Variants in EHBP1 observed in about 807,000 individuals in gnomAD.
The protein encoded by EHBP1 is EH domain-binding protein 1.
EHBP1 carries 55 observed loss-of-function variants against 144.0 expected under a neutral mutation model. That is an observed-to-expected ratio of 0.38 (90% CI 0.31 to 0.48). EHBP1 has a LOEUF of 0.48. Ranked by LOEUF, EHBP1 falls within the 20% of genes least tolerant of loss-of-function variation. EHBP1 has a pLI of 0.98. For missense variants in EHBP1, 1,200 were observed against 1,364.2 expected (o/e 0.88, Z 1.90); for synonymous variants, 469 against 472.7 (o/e 0.99, Z 0.10).
intron 5 of EHBP1, among the ~76,000 whole-genome samples, chr2:62,775,856 T>C (rs2042019651): frequency 6.6e-6 from 1 of 152,174 alleles, no homozygotes; most frequent in Non-Finnish European, 1.5e-5. Flanking sequence ...TTATCCAGTC[T>C]TGTCTTTCTC....
chr2:62,859,754 A>G (rs1383536318), intron 8 of EHBP1, among the ~76,000 whole-genome samples: 3 of 151,646 alleles, frequency 2.0e-5, no homozygotes, highest in African/African-American at 4.8e-5. Context: ...AACCGCTGCT[A>G]TTATATATAT....
At chr2:62,691,069 GAA>G (rs530564721) in intron 1 of EHBP1, among the ~76,000 whole-genome samples, 1 of 152,190 alleles carries the variant, frequency 6.6e-6, no homozygotes, top group Non-Finnish European at 1.5e-5. Flanking sequence ...TTAATTTTTT[GAA>G]AGAGTGAACT....
chr2:62,835,674 A>G (rs893490255), intron 7 of EHBP1, among the ~76,000 whole-genome samples: 1 of 152,176 alleles, frequency 6.6e-6, no homozygotes, highest in South Asian at 2.1e-4. Context: ...GCATTGCCTC[A>G]CCTGGGAAGC....
chr2:62,815,998 C>T (rs2045417650), intron 5 of EHBP1, among the ~76,000 whole-genome samples: 1 of 152,072 alleles, frequency 6.6e-6, no homozygotes, highest in African/African-American at 2.4e-5. Context: ...AAAGTTTCAG[C>T]CTCTATATTA....
intron 1 of EHBP1, among the ~76,000 whole-genome samples, chr2:62,695,183 A>G (rs916692737): frequency 4.6e-5 from 7 of 151,986 alleles, no homozygotes; most frequent in Non-Finnish European, 1.0e-4. Context: ...CATTGGCAAA[A>G]CTCCATTTCT....
chr2:62,828,325 G>T (rs1272993322), intron 6 of EHBP1, among the ~76,000 whole-genome samples: 1 of 152,098 alleles, frequency 6.6e-6, no homozygotes, highest in East Asian at 1.9e-4. Flanking sequence ...ATTCACTGTA[G>T]TTTATTTGAA....
chr2:63,017,374 A>G (rs1267070892), intron 19 of EHBP1, among the ~76,000 whole-genome samples: 1 of 152,220 alleles, frequency 6.6e-6, no homozygotes. Flanking sequence ...GATCCTTGGT[A>G]TGCTTATACT....
At chr2:62,886,985 T>C (rs1323936867) in intron 10 of EHBP1, among the ~76,000 whole-genome samples, 1 of 152,198 alleles carries the variant, frequency 6.6e-6, no homozygotes, top group African/African-American at 2.4e-5. Flanking sequence ...ACATGTCAGC[T>C]TAGATTAAAA....
chr2:62,794,754 C>T (rs1314976415), intron 5 of EHBP1, among the ~76,000 whole-genome samples: 1 of 151,944 alleles, frequency 6.6e-6, no homozygotes, highest in East Asian at 1.9e-4. Flanking sequence ...AGATAAGTCA[C>T]AAAGCCTATT....
intron 19 of EHBP1, among the ~76,000 whole-genome samples, chr2:63,028,125 A>G (rs1273135623): frequency 6.6e-6 from 1 of 152,214 alleles, no homozygotes; most frequent in Non-Finnish European, 1.5e-5. Flanking sequence ...CTTACCACAA[A>G]AAAAGATAAG....
chr2:62,926,987 G>A (rs538896108), intron 10 of EHBP1, among the ~76,000 whole-genome samples: 5 of 152,166 alleles, frequency 3.3e-5, no homozygotes, highest in Non-Finnish European at 5.9e-5. Context: ...GTGTATATAC[G>A]TCATGGAATA....
chr2:62,735,937 ATTT>A (rs1460921367), intron 2 of EHBP1, among the ~76,000 whole-genome samples: 1 of 151,102 alleles, frequency 6.6e-6, no homozygotes, highest in Non-Finnish European at 1.5e-5. Flanking sequence ...TTTTTTCAGG[ATTT>A]TTTTATCTTT....
intron 2 of EHBP1, among the ~76,000 whole-genome samples, chr2:62,722,136 GT>G (rs1242449417): frequency 7.6e-5 from 11 of 144,894 alleles, no homozygotes; most frequent in Admixed American, 6.9e-5. Flanking sequence ...TAGGAATTTT[GT>G]TTTTTTTTTT....
intron 19 of EHBP1, among the ~76,000 whole-genome samples, chr2:63,026,459 A>C (rs12474184): frequency 6.6e-6 from 1 of 151,982 alleles, no homozygotes; most frequent in South Asian, 2.1e-4. Context: ...TACATATTTG[A>C]ATTCATTTAG....
chr2:62,744,699 G>C (rs930019850), intron 2 of EHBP1, among the ~76,000 whole-genome samples: 2 of 152,014 alleles, frequency 1.3e-5, no homozygotes, highest in African/African-American at 4.8e-5. Context: ...TTAGGAGACC[G>C]CCCTTCTTGC....
intron 3 of EHBP1, among the ~76,000 whole-genome samples, chr2:62,748,695 A>G (rs2039385174): frequency 6.6e-6 from 1 of 152,030 alleles, no homozygotes; most frequent in South Asian, 2.1e-4. Flanking sequence ...ATGTGACTAT[A>G]TTTTTTATTA....
chr2:63,007,959 A>G (rs1007795007), intron 19 of EHBP1, among the ~76,000 whole-genome samples: 2 of 151,698 alleles, frequency 1.3e-5, no homozygotes, highest in Admixed American at 1.3e-4. Context: ...CTAACCTCAG[A>G]GGTTCCCCTC....
chr2:62,930,851 C>G (rs1170279740), intron 10 of EHBP1, among the ~76,000 whole-genome samples: 4 of 152,076 alleles, frequency 2.6e-5, no homozygotes, highest in African/African-American at 9.7e-5. Context: ...GGACCCTTAC[C>G]TAACACCATA....
chr2:62,967,531 AT>A (rs2058301491), intron 14 of EHBP1, among the ~76,000 whole-genome samples: 1 of 152,042 alleles, frequency 6.6e-6, no homozygotes, highest in Non-Finnish European at 1.5e-5. Flanking sequence ...TTTGCAGGAC[AT>A]TTTTTTCTTT....
Sources: gnomAD v4.1 joint callset for allele counts (sites outside exome capture counted in the v4.1 genomes callset) on GRCh38, gnomAD v4.1.1 for gene constraint, MANE v1.5 for transcripts, NCBI Gene and HGNC (gene_info 2026-07-23, HGNC 2026-07-21) for gene names.